Variants in GRM7 observed in about 807,000 individuals in gnomAD.
GRM7 encodes the protein glutamate metabotropic receptor 7, also known as metabotropic glutamate receptor 7.
A neutral mutation model predicts 84.5 loss-of-function variants in GRM7; 35 were observed. That is an observed-to-expected ratio of 0.41 (90% CI 0.32 to 0.55). GRM7 has a LOEUF of 0.55. Among genes scored for constraint, GRM7 ranks in the 20% least tolerant of loss-of-function variants. The pLI is 0.19. For synonymous variants in GRM7, 487 were observed against 455.1 expected (o/e 1.07, Z -0.89); for missense variants, 1,003 against 1,194.6 (o/e 0.84, Z 2.36).
At chr3:7,630,814 T>C (rs1238069733) in intron 8 of GRM7, among the ~76,000 whole-genome samples, 7 of 152,218 alleles carry the variant, frequency 4.6e-5, no homozygotes, top group Non-Finnish European at 4.4e-5. Flanking sequence ...AAATGAGCAT[T>C]AGTCAGCATT....
chr3:6,975,286 T>A (rs1267335448), intron 1 of GRM7, among the ~76,000 whole-genome samples: 1 of 151,762 alleles, frequency 6.6e-6, no homozygotes, highest in East Asian at 1.9e-4. Context: ...CTACCAGGAG[T>A]TGTCAAATCC....
chr3:7,579,214 T>C lies in GRM7; in HGVS notation c.2308T>C (p.Cys770Arg). The change falls in exon 8 of 10, where the codon TGT becomes CGT. Residue 770 changes from cysteine (C) to arginine (R), a missense_variant. Cys to Arg is a radical substitution (Grantham distance 180). This residue lies in a region of GRM7 where 910 missense variants were observed against 1,126.0 expected (regional missense o/e 0.81). Coordinates refer to ENST00000357716, the MANE Select transcript of GRM7 (RefSeq NM_000844.4). Reference protein sequence around the residue: ...LGYSILLMVTCTVYAIKTRGV... With the variant: ...LGYSILLMVTRTVYAIKTRGV... The stretch of plus-strand genomic sequence containing the variant: ...ATATAGCATTCTTCTCATGGTCACA[T>C]GTACTGTGTATGCCATCAAGACTCG... 1 of 1,613,978 alleles carries C rather than the reference T, an allele frequency of 6.2e-7. No individual in the cohort carries two copies. Among genetic ancestry groups the C allele is most frequent in the Non-Finnish European group, 8.5e-7 (1 of 1,179,874 alleles).
At chr3:7,136,672 T>A (rs1300324386) in intron 1 of GRM7, among the ~76,000 whole-genome samples, 1 of 152,116 alleles carries the variant, frequency 6.6e-6, no homozygotes, top group Non-Finnish European at 1.5e-5. Context: ...ACTTTGTGGA[T>A]GAGGAGCAGG....
chr3:7,163,722 A>G (rs1469118423), intron 2 of GRM7, among the ~76,000 whole-genome samples: 4 of 152,210 alleles, frequency 2.6e-5, no homozygotes, highest in African/African-American at 9.6e-5. Flanking sequence ...CTATGTGAAG[A>G]ACTGGGAGAA....
intron 1 of GRM7, among the ~76,000 whole-genome samples, chr3:7,065,567 G>A (rs560735599): frequency 6.2e-4 from 94 of 151,966 alleles, no homozygotes; most frequent in Middle Eastern, 6.8e-3. Context: ...TTTAATACAA[G>A]TACCACACTG....
intron 4 of GRM7, among the ~76,000 whole-genome samples, chr3:7,381,061 T>C (rs1168765548): frequency 6.6e-6 from 1 of 152,160 alleles, no homozygotes; most frequent in Non-Finnish European, 1.5e-5. Flanking sequence ...AATTTATCAT[T>C]CTTCTCTTAG....
At chr3:7,271,355 C>G (rs1024424132) in intron 2 of GRM7, among the ~76,000 whole-genome samples, 1 of 151,776 alleles carries the variant, frequency 6.6e-6, no homozygotes, top group Non-Finnish European at 1.5e-5. Flanking sequence ...GTCAGGAGAT[C>G]GAGACCATCC....
chr3:6,987,574 G>T (rs149207872), intron 1 of GRM7, among the ~76,000 whole-genome samples: 26 of 152,272 alleles, frequency 1.7e-4, no homozygotes, highest in African/African-American at 6.0e-4. Flanking sequence ...GAGTGAACGT[G>T]AGCATTCAAG....
At chr3:7,449,808 G>T (rs185959971) in intron 5 of GRM7, among the ~76,000 whole-genome samples, 29 of 152,150 alleles carry the variant, frequency 1.9e-4, no homozygotes, top group Non-Finnish European at 2.5e-4. Flanking sequence ...AACAAAATAC[G>T]TTCCAAGTGA....
intron 2 of GRM7, among the ~76,000 whole-genome samples, chr3:7,190,691 G>A (rs1388124938): frequency 1.3e-5 from 2 of 152,020 alleles, no homozygotes; most frequent in Non-Finnish European, 1.5e-5. Flanking sequence ...CTTCCTACAA[G>A]CAGTTTAATA....
chr3:7,059,915 G>A (rs909932447), intron 1 of GRM7, among the ~76,000 whole-genome samples: 3 of 151,782 alleles, frequency 2.0e-5, no homozygotes, highest in Admixed American at 6.6e-5. Flanking sequence ...TATTTCTGTT[G>A]TTTATAAGCT....
At chr3:7,172,136 A>G (rs1221461974) in intron 2 of GRM7, among the ~76,000 whole-genome samples, 1 of 152,176 alleles carries the variant, frequency 6.6e-6, no homozygotes, top group Non-Finnish European at 1.5e-5. Context: ...TCAGTAAGAT[A>G]TGAGCTGTTA....
At chr3:7,247,570 G>A (rs1697814476) in intron 2 of GRM7, among the ~76,000 whole-genome samples, 1 of 146,782 alleles carries the variant, frequency 6.8e-6, no homozygotes, top group African/African-American at 2.5e-5. Context: ...CTCCAGCCTG[G>A]GTAATAGAAT....
chr3:7,159,813 A>T (rs984400810), intron 2 of GRM7, among the ~76,000 whole-genome samples: 1 of 152,144 alleles, frequency 6.6e-6, no homozygotes, highest in Non-Finnish European at 1.5e-5. Context: ...TACTTTTCAA[A>T]ATGACTCAAA....
At chr3:7,620,511 T>A (rs1199974643) in intron 8 of GRM7, among the ~76,000 whole-genome samples, 1 of 152,124 alleles carries the variant, frequency 6.6e-6, no homozygotes, top group East Asian at 1.9e-4. Context: ...GAGAGTGAAA[T>A]GAGAAGAACA....
At position 7,084,412 on chromosome 3, in the gene GRM7, T is replaced by A. The variant is rs939418443; in HGVS notation, c.520-62040T>A. Among the ~76,000 whole-genome samples the A allele has an allele frequency of 3.3e-5, 5 of 152,120 alleles. No homozygotes were observed. In the South Asian group the frequency reaches 1.0e-3, roughly 31 times the overall value. ...GATGCTGATCAAAGTTTAAGAATCA[T>A]GCTTTGGGTCATCAGTAGCTTGGAA... On this transcript the variant is annotated intron_variant, in intron 1 of 9. Transcript: ENST00000357716.
intron 2 of GRM7, among the ~76,000 whole-genome samples, chr3:7,260,386 C>T (rs1489727234): frequency 6.6e-6 from 1 of 151,924 alleles, no homozygotes; most frequent in Non-Finnish European, 1.5e-5. Flanking sequence ...ACGGTATTGC[C>T]TAGGTTGCCT....
rs746674949 is a variant in GRM7 at position 7,415,136 on chromosome 3, AAAG to A, written c.1152_1154del (p.Glu384del). On this transcript the variant is annotated inframe_deletion, in exon 5 of 10. Coordinates refer to ENST00000357716, the MANE Select transcript of GRM7 (RefSeq NM_000844.4). Reference sequence around the variant, plus strand: ...CAAGTTGACGATTAGTGGGTCAAAAAAAGAAGACACAGATCGCAAATGCACAGG... The same window carrying A: ...CAAGTTGACGATTAGTGGGTCAAAAAAAGACACAGATCGCAAATGCACAGG... 2 of 1,613,200 alleles carry A rather than the reference AAAG, an allele frequency of 1.2e-6. No homozygotes were observed. The highest frequency in any genetic ancestry group is 4.5e-5 in the East Asian group (2 of 44,842).
intron 1 of GRM7, among the ~76,000 whole-genome samples, chr3:7,131,034 C>T (rs1874981): frequency 0.11 from 16,146 of 152,206 alleles, 1,020 homozygotes; most frequent in Middle Eastern, 0.18. Context: ...GTGAATTTAA[C>T]GCTAAGACTT....
Sources: allele counts gnomAD v4.1 joint callset (sites outside exome capture counted in the v4.1 genomes callset), GRCh38; gene constraint gnomAD v4.1.1; regional missense constraint gnomAD v4.1.1; transcripts MANE v1.5; gene names NCBI Gene and HGNC (gene_info 2026-07-23, HGNC 2026-07-21).